Variants in WDR70 observed in about 807,000 individuals in gnomAD.
The protein encoded by WDR70 is WD repeat domain 70.
Under a neutral mutation model 88.6 loss-of-function variants are expected in WDR70, and 53 were observed. The observed-to-expected ratio is 0.60, with a 90% CI of 0.48 to 0.75. The LOEUF is 0.75. Ranked by LOEUF, WDR70 falls within the 30% of genes least tolerant of loss-of-function variation. The pLI, the probability that WDR70 is intolerant of heterozygous loss-of-function variation, is 0.00. For missense variants in WDR70, 610 were observed against 823.2 expected, an observed-to-expected ratio of 0.74 and a Z score of 3.17; for synonymous variants, 280 against 270.0, an observed-to-expected ratio of 1.04 and a Z score of -0.36.
chr5:37,485,628 TGGCTGTGA>T (rs1233639157), intron 8 of WDR70, among the ~76,000 whole-genome samples: 1 of 152,174 alleles, frequency 6.6e-6, no homozygotes, highest in Non-Finnish European at 1.5e-5. Flanking sequence ...GTAGTGCCAT[TGGCTGTGA>T]GTTCAATGTT....
chr5:37,721,107 C>A lies in WDR70; in HGVS notation c.1417-8C>A, dbSNP rs775029997. On this transcript the variant is annotated splice_polypyrimidine_tract_variant and splice_region_variant and intron_variant, in intron 13 of 17. Coordinates refer to ENST00000265107, the MANE Select transcript of WDR70 (RefSeq NM_018034.4). ...TCTTTAGTCAACCACTGCGCTTTTC[C>A]TTTGCAGAGTGTTGTTCGCTGCCTG... 1 of 1,613,380 alleles carries A rather than the reference C, an allele frequency of 6.2e-7. No homozygotes were observed. Among genetic ancestry groups the A allele is most frequent in the Admixed American group, 1.7e-5 (1 of 59,938 alleles).
intron 10 of WDR70, among the ~76,000 whole-genome samples, chr5:37,622,747 G>A (rs903518273): frequency 4.6e-5 from 7 of 152,034 alleles, no homozygotes; most frequent in South Asian, 2.1e-4. Flanking sequence ...GTTGTGGGGT[G>A]GGGGGAGCGG....
chr5:37,595,419 A>G lies in WDR70; in HGVS notation c.918-9645A>G, dbSNP rs146040375. Among the ~76,000 whole-genome samples, 99 of 152,312 alleles carry G rather than the reference A, an allele frequency of 6.5e-4. 1 individual carries two copies. The highest frequency in any genetic ancestry group is 1.3e-3 in the Non-Finnish European group (86 of 68,014). ...TAGTATTTATACATTGAAAACCATA[A>G]TACATTTCTGAGAGAACTAAAAGAT... On this transcript the variant is annotated intron_variant, in intron 9 of 17. Coordinates refer to ENST00000265107, the MANE Select transcript of WDR70 (RefSeq NM_018034.4).
chr5:37,383,936 C>T (rs887720345), intron 3 of WDR70, among the ~76,000 whole-genome samples: 7 of 152,156 alleles, frequency 4.6e-5, no homozygotes, highest in Non-Finnish European at 1.0e-4. Flanking sequence ...TCATGAACTA[C>T]CATGTACCTA....
At chr5:37,645,890 A>T (rs114401590) in intron 10 of WDR70, among the ~76,000 whole-genome samples, 1 of 152,046 alleles carries the variant, frequency 6.6e-6, no homozygotes, top group African/African-American at 2.4e-5. Context: ...CTTGTAAGCA[A>T]CAGGTCATTG....
intron 13 of WDR70, among the ~76,000 whole-genome samples, chr5:37,719,075 A>G (rs1164447857): frequency 6.6e-6 from 1 of 152,178 alleles, no homozygotes; most frequent in Non-Finnish European, 1.5e-5. Flanking sequence ...TTTCTTCTAC[A>G]TAGGGTTTCA....
At chr5:37,711,775 T>C (rs1747517844) in intron 13 of WDR70, among the ~76,000 whole-genome samples, 1 of 152,200 alleles carries the variant, frequency 6.6e-6, no homozygotes, top group South Asian at 2.1e-4. Flanking sequence ...ATCATCATAT[T>C]ACTAATGTTT....
At chr5:37,635,960 A>G (rs1744952815) in intron 10 of WDR70, among the ~76,000 whole-genome samples, 2 of 152,150 alleles carry the variant, frequency 1.3e-5, no homozygotes, top group African/African-American at 4.8e-5. Context: ...TGCTGCTGCC[A>G]TGCAGGAAGG....
chr5:37,593,094 T>C (rs1743585145), intron 9 of WDR70, among the ~76,000 whole-genome samples: 1 of 152,204 alleles, frequency 6.6e-6, no homozygotes, highest in Non-Finnish European at 1.5e-5. Flanking sequence ...GTTCAAGTTA[T>C]GGTGAGCTGT....
intron 5 of WDR70, among the ~76,000 whole-genome samples, chr5:37,423,562 G>GTTTTTTTTTT (rs1750018083): frequency 1.6e-5 from 2 of 126,490 alleles, no homozygotes; most frequent in African/African-American, 2.7e-5. Context: ...GTTTTTTTTT[G>GTTTTTTTTTT]TCTTTTTTTT....
At chr5:37,662,952 T>G (rs546840450) in intron 10 of WDR70, among the ~76,000 whole-genome samples, 3 of 152,154 alleles carry the variant, frequency 2.0e-5, no homozygotes, top group Non-Finnish European at 4.4e-5. Flanking sequence ...TACAGTGTAA[T>G]CTTCTTGAAG....
intron 10 of WDR70, among the ~76,000 whole-genome samples, chr5:37,648,869 A>G (rs10054907): frequency 0.036 from 5,494 of 152,270 alleles, 330 homozygotes; most frequent in African/African-American, 0.12. Flanking sequence ...CTCTTTTAAC[A>G]TTCATTGATC....
At chr5:37,647,124 TCTC>T (rs1745262740) in intron 10 of WDR70, among the ~76,000 whole-genome samples, 1 of 152,148 alleles carries the variant, frequency 6.6e-6, no homozygotes, top group Non-Finnish European at 1.5e-5. Flanking sequence ...AATTCTTTCT[TCTC>T]CTTGATCAGT....
At chr5:37,693,071 A>G (rs1746858820) in intron 10 of WDR70, among the ~76,000 whole-genome samples, 1 of 152,054 alleles carries the variant, frequency 6.6e-6, no homozygotes, top group Non-Finnish European at 1.5e-5. Context: ...ATACACCAAT[A>G]ACAGACAAAC....
intron 10 of WDR70, chr5:37,688,060 C>A (rs938820879): frequency 1.5e-5 from 8 of 530,700 alleles, no homozygotes; most frequent in Non-Finnish European, 2.4e-5. Flanking sequence ...CATCTATATG[C>A]ATGTGTTTAC....
chr5:37,403,531 G>T (rs1269188216), intron 5 of WDR70, among the ~76,000 whole-genome samples: 5 of 152,210 alleles, frequency 3.3e-5, no homozygotes, highest in African/African-American at 1.2e-4. Context: ...TCCACCTGGC[G>T]ATTTCTGAAT....
chr5:37,713,230 T>C (rs765901147), intron 13 of WDR70, among the ~76,000 whole-genome samples: 7 of 152,166 alleles, frequency 4.6e-5, no homozygotes, highest in Non-Finnish European at 7.3e-5. Context: ...GCCTTAGACT[T>C]CGCGAGCAAA....
At chr5:37,567,827 T>G (rs1419312721) in intron 9 of WDR70, among the ~76,000 whole-genome samples, 1 of 152,016 alleles carries the variant, frequency 6.6e-6, no homozygotes, top group East Asian at 1.9e-4. Context: ...CAAGCTGGAG[T>G]TAGGAGAGGT....
intron 10 of WDR70, among the ~76,000 whole-genome samples, chr5:37,644,174 T>C (rs1745175404): frequency 6.6e-6 from 1 of 152,024 alleles, no homozygotes; most frequent in African/African-American, 2.4e-5. Flanking sequence ...ACCCAGTTTT[T>C]TGGAGGGTTC....
Sources: allele counts gnomAD v4.1 joint callset (sites outside exome capture counted in the v4.1 genomes callset), GRCh38; gene constraint gnomAD v4.1.1; transcripts MANE v1.5; gene names NCBI Gene and HGNC (gene_info 2026-07-23, HGNC 2026-07-21).